VPS35L: variants seen among roughly 807,000 people sequenced by gnomAD.
The protein encoded by VPS35L is VPS35 endosomal protein sorting factor like.
Under a neutral mutation model 133.0 loss-of-function variants are expected in VPS35L, and 83 were observed. The ratio of observed to expected loss-of-function variants is 0.62; its 90% confidence interval spans 0.52 to 0.75. The LOEUF (loss-of-function observed/expected upper bound fraction) is 0.75. Among genes scored for constraint, VPS35L ranks in the 30% least tolerant of loss-of-function variants. VPS35L has a pLI of 0.00. For synonymous variants in VPS35L, 423 were observed against 449.9 expected (o/e 0.94, Z 0.76); for missense variants, 1,083 against 1,206.8 (o/e 0.90, Z 1.52).
chr16:19,695,026 C>T (rs866028939), intron 29 of VPS35L, among the ~76,000 whole-genome samples: 2 of 141,012 alleles, frequency 1.4e-5, no homozygotes, highest in Non-Finnish European at 3.0e-5. Context: ...AAAAAAAAGA[C>T]AGAGCTCAAG....
intron 8 of VPS35L, among the ~76,000 whole-genome samples, chr16:19,596,321 C>T (rs1972214246): frequency 6.6e-6 from 1 of 151,648 alleles, no homozygotes; most frequent in Non-Finnish European, 1.5e-5. Context: ...ATTGCCCAGG[C>T]CACAGTGCAA....
intron 28 of VPS35L, 138 bp downstream of exon 28, chr16:19,682,528 T>C (rs770616592): frequency 1.9e-5 from 19 of 1,001,280 alleles, no homozygotes; most frequent in Admixed American, 5.4e-5. Flanking sequence ...TCTCACTGTA[T>C]TTACCTGATC....
intron 8 of VPS35L, among the ~76,000 whole-genome samples, chr16:19,599,172 T>G (rs185113920): frequency 5.6e-4 from 85 of 152,282 alleles, no homozygotes; most frequent in Non-Finnish European, 9.6e-4. Flanking sequence ...GAGCCAGTGG[T>G]TTGGAGCAGT....
intron 23 of VPS35L, among the ~76,000 whole-genome samples, chr16:19,645,290 C>CTTTTTTT (rs11337040): frequency 7.8e-6 from 1 of 128,476 alleles, no homozygotes; most frequent in Non-Finnish European, 1.6e-5. Flanking sequence ...TGTCTTTTTT[C>CTTTTTTT]TTTTTTTTTT....
intron 28 of VPS35L, among the ~76,000 whole-genome samples, chr16:19,683,779 T>C (rs1347964366): frequency 2.0e-5 from 3 of 152,238 alleles, no homozygotes; most frequent in Non-Finnish European, 4.4e-5. Flanking sequence ...CATGTGTCCT[T>C]TCAGTAGAAC....
chr16:19,663,268 G>A (rs1974547161), intron 26 of VPS35L, among the ~76,000 whole-genome samples: 1 of 152,186 alleles, frequency 6.6e-6, no homozygotes, highest in Non-Finnish European at 1.5e-5. Context: ...CCAAGATCAT[G>A]CCATTGCACT....
chr16:19,681,724 C>A (rs1455392593), intron 27 of VPS35L, among the ~76,000 whole-genome samples: 1 of 152,156 alleles, frequency 6.6e-6, no homozygotes, highest in African/African-American at 2.4e-5. Flanking sequence ...TTGGCTGTTA[C>A]CGTTGTTGAG....
At chr16:19,562,495 G>C (rs1971057925) in intron 1 of VPS35L, among the ~76,000 whole-genome samples, 1 of 152,110 alleles carries the variant, frequency 6.6e-6, no homozygotes, top group South Asian at 2.1e-4. Context: ...CAATGGAGGA[G>C]ATGAGAAAGG....
At chr16:19,607,951 T>C in intron 9 of VPS35L, 1 of 501,254 alleles carries the variant, frequency 2.0e-6, no homozygotes, top group East Asian at 3.1e-5. Flanking sequence ...CTATATGGGA[T>C]CAGGTGAGCT....
At chr16:19,679,374 G>A (rs1026830654) in intron 27 of VPS35L, among the ~76,000 whole-genome samples, 3 of 147,734 alleles carry the variant, frequency 2.0e-5, no homozygotes, top group Non-Finnish European at 3.0e-5. Context: ...ATAGCTTTCT[G>A]TAGCTGAGAC....
At chr16:19,669,670 TCTC>T (rs1369045520) in intron 27 of VPS35L, among the ~76,000 whole-genome samples, 1 of 136,946 alleles carries the variant, frequency 7.3e-6, no homozygotes, top group African/African-American at 2.6e-5. Context: ...TCTTTCTGTC[TCTC>T]TTTTTTTTTT....
chr16:19,690,768 T>C (rs893006617), intron 28 of VPS35L, among the ~76,000 whole-genome samples: 14 of 152,142 alleles, frequency 9.2e-5, no homozygotes, highest in African/African-American at 3.4e-4. Flanking sequence ...TTGGCCAGCA[T>C]GGTGAAACCC....
At chr16:19,571,589 GGCTGGAGT>G (rs1971386854) in intron 3 of VPS35L, among the ~76,000 whole-genome samples, 1 of 151,870 alleles carries the variant, frequency 6.6e-6, no homozygotes, top group African/African-American at 2.4e-5. Flanking sequence ...CTGTTGCCCA[GGCTGGAGT>G]GCAGTGGCGC....
chr16:19,674,184 CTTTTTTTTTTTTTTTTTT>C (rs201038834), intron 27 of VPS35L, among the ~76,000 whole-genome samples: 8 of 70,908 alleles, frequency 1.1e-4, no homozygotes, highest in Admixed American at 4.4e-4. Context: ...TTTTCTTTTT[CTTTTTTTTTTTTTTTTTT>C]TTTTTTTGGA....
chr16:19,563,488 A>G (rs1427049156), intron 1 of VPS35L, among the ~76,000 whole-genome samples: 2 of 152,164 alleles, frequency 1.3e-5, no homozygotes, highest in East Asian at 3.9e-4. Flanking sequence ...TTCACCTATT[A>G]TCTCTTCAGA....
chr16:19,579,311 G>A (rs1008195309), intron 6 of VPS35L, 183 bp downstream of exon 6: 29 of 563,618 alleles, frequency 5.1e-5, no homozygotes, highest in Non-Finnish European at 8.4e-5. Flanking sequence ...GCTCACGGAA[G>A]CCTGACTGGG....
intron 12 of VPS35L, among the ~76,000 whole-genome samples, chr16:19,611,253 G>A (rs1972710015): frequency 6.6e-6 from 1 of 152,156 alleles, no homozygotes; most frequent in Non-Finnish European, 1.5e-5. Flanking sequence ...GCCCACGTTG[G>A]CCTCCCAAAG....
At chr16:19,565,665 T>C (rs899925225) in intron 2 of VPS35L, among the ~76,000 whole-genome samples, 13 of 152,200 alleles carry the variant, frequency 8.5e-5, no homozygotes, top group Non-Finnish European at 1.9e-4. Context: ...CATATTTAAA[T>C]CAACCAGTTT....
chr16:19,617,691 C>G (rs1317797651), intron 14 of VPS35L: 1 of 151,978 alleles, frequency 6.6e-6, no homozygotes, highest in Non-Finnish European at 1.5e-5. Flanking sequence ...AACACCAATT[C>G]AAACTGTCAT....
Sources: allele counts gnomAD v4.1 joint callset (sites outside exome capture counted in the v4.1 genomes callset), GRCh38; gene constraint gnomAD v4.1.1; transcripts MANE v1.5; gene names NCBI Gene and HGNC (gene_info 2026-07-23, HGNC 2026-07-21).